Variants in SMTN observed in about 807,000 individuals in gnomAD.
The protein encoded by SMTN is smoothelin.
Under a neutral mutation model 102.0 loss-of-function variants are expected in SMTN, and 58 were observed. The ratio of observed to expected loss-of-function variants is 0.57; its 90% CI spans 0.46 to 0.71. The LOEUF (loss-of-function observed/expected upper bound fraction) is 0.71, where lower values mean the gene tolerates loss of function less well. Ranked by LOEUF, SMTN falls within the 30% of genes least tolerant of loss-of-function variation. SMTN has a pLI of 0.00. For synonymous variants in SMTN, 478 were observed against 497.9 expected, an observed-to-expected ratio of 0.96 and a Z score of 0.53; for missense variants, 1,185 against 1,241.7, an observed-to-expected ratio of 0.95 and a Z score of 0.69.
At chr22:31,075,000 T>C (rs1287580303) in intron 1 of SMTN, among the ~76,000 whole-genome samples, 1 of 152,126 alleles carries the variant, frequency 6.6e-6, no homozygotes, top group Non-Finnish European at 1.5e-5. Flanking sequence ...ACCCCCAATT[T>C]ACAGAGGAGA....
At chr22:31,070,644 C>T (rs2041973794) in intron 1 of SMTN, among the ~76,000 whole-genome samples, 1 of 152,124 alleles carries the variant, frequency 6.6e-6, no homozygotes, top group East Asian at 1.9e-4. Flanking sequence ...TTTAAGCCAG[C>T]CGGGCACGAT....
rs1425882020 is a variant in SMTN, at chr22:31,081,319, C to T, written c.-218C>T. ...GCGCGGCTGGACGGGCAGCTCTCCG[C>T]AGAATCCAGGGGACGGTTGCTGAGC... is the stretch of plus-strand genomic sequence containing the variant. On this transcript the variant is annotated 5_prime_UTR_variant, in exon 1 of 21. Transcript: ENST00000333137. 1 of 152,306 alleles carries T rather than the reference C, an allele frequency of 6.6e-6. No homozygotes were observed. The highest frequency in any genetic ancestry group is 1.5e-5 in the Non-Finnish European group (1 of 68,124). The allele number at this position is 152,306 out of a possible 1,614,324, so 9.4% of individuals were successfully genotyped here. A position where few individuals can be genotyped will look rare whatever the true frequency, so the allele number is the denominator to read the frequency against.
rs2042977809 is a variant in SMTN at position 31,089,805 on chromosome 22, C to A, written c.578C>A (p.Ala193Asp). ...DVTTVTLLLR[A>D]PPGSTSSSPA... is the part of the protein sequence containing the mutation. ...ACCACAGTGACACTCCTGCTGCGAG[C>A]CCCACCTGGGAGCACATCCAGCTCA... is the stretch of plus-strand genomic sequence containing the variant. Residue 193 changes from alanine (A) to aspartate (D), a missense_variant, in exon 7 of 21, where the codon GCC becomes GAC. This residue lies in a region of SMTN where 1,096 missense variants were observed against 1,112.7 expected (regional missense o/e 0.98). Transcript: ENST00000333137. 1.2e-6 allele frequency: 2 copies of A among 1,613,536 alleles called. No homozygotes were observed. The highest frequency in any genetic ancestry group is 2.7e-5 in the African/African-American group (2 of 74,902).
chr22:31,073,023 T>TTTTTTCC (rs1555958657), intron 1 of SMTN, among the ~76,000 whole-genome samples: 4 of 145,664 alleles, frequency 2.7e-5, no homozygotes, highest in Non-Finnish European at 3.0e-5. Flanking sequence ...TTTTTTTTTT[T>TTTTTTCC]TTTTTTTTTG....
At position 31,091,062 on chromosome 22, in the gene SMTN, C is replaced by G; in HGVS notation, c.1039C>G (p.Leu347Val). The G allele has an allele frequency of 1.9e-6, 3 of 1,614,058 alleles. 1 individual carries two copies. In the Middle Eastern group the frequency reaches 4.9e-4, roughly 266 times the overall value. Reference sequence around the variant, plus strand: ...ATCTGATTCTCCTATGGCTGCTAGGCTCCAGGATGGCACACCCCAGGCTGC... The same window carrying G: ...ATCTGATTCTCCTATGGCTGCTAGGGTCCAGGATGGCACACCCCAGGCTGC... ...FTSDSPMAAR[L>V]QDGTPQAALS... Residue 347 changes from leucine (L) to valine (V), a missense_variant, in exon 10 of 21, where the codon CTC becomes GTC. By Grantham distance (32) the Leu-to-Val change is conservative. Coordinates refer to ENST00000333137, the MANE Select transcript of SMTN (RefSeq NM_134269.3).
intron 1 of SMTN, among the ~76,000 whole-genome samples, chr22:31,075,453 G>A (rs1224399194): frequency 6.6e-6 from 1 of 152,146 alleles, no homozygotes; most frequent in Non-Finnish European, 1.5e-5. Flanking sequence ...GTCCGAGGCA[G>A]GTGGATCACC....
rs1416221045 is a variant in SMTN at position 31,091,769 on chromosome 22, G to C, written c.1554G>C (p.Leu518=). The part of the protein sequence containing the change: ...TITRVNSPGT[L]ARLGSVTHVT... Reference sequence around the variant, plus strand: ...CCCGTGTCAACAGCCCTGGGACCCTGGCTCGGCTGGGCAGTGTCACTCATG... The same window carrying C: ...CCCGTGTCAACAGCCCTGGGACCCTCGCTCGGCTGGGCAGTGTCACTCATG... Residue 518 remains leucine (L), a synonymous_variant, in exon 11 of 21, where the codon CTG becomes CTC. Transcript: ENST00000333137. 6.2e-7 allele frequency: 1 copy of C among 1,610,980 alleles called. No individual in the cohort carries two copies. The highest frequency in any genetic ancestry group is 8.5e-7 in the Non-Finnish European group (1 of 1,178,646).
chr22:31,076,797 C>T (rs755551134), upstream of SMTN, among the ~76,000 whole-genome samples: 22 of 152,066 alleles, frequency 1.4e-4, no homozygotes, highest in Non-Finnish European at 2.2e-4. Flanking sequence ...GTGCTATGTT[C>T]AGAAGTAGAG....
chr22:31,064,209 A>G (rs1022190177), intron 1 of SMTN: 2 of 152,222 alleles, frequency 1.3e-5, no homozygotes, highest in African/African-American at 4.8e-5. Flanking sequence ...AGAGAATACC[A>G]TAGATGTCCA....
chr22:31,078,615 C>G (rs1270386961), upstream of SMTN, among the ~76,000 whole-genome samples: 2 of 152,254 alleles, frequency 1.3e-5, no homozygotes, highest in Non-Finnish European at 2.9e-5. Flanking sequence ...CCTGCTCCGC[C>G]CACAGCCTAT....
Position 31,095,201 on chromosome 22 carries a change from G to A in SMTN, c.1633-102G>A. 3 of 1,241,322 alleles carry A rather than the reference G, an allele frequency of 2.4e-6. No homozygotes were observed. The highest frequency in any genetic ancestry group is 3.4e-6 in the Non-Finnish European group (3 of 885,742). The allele number at this position is 1,241,322 out of a possible 1,614,324, so 76.9% of individuals were successfully genotyped here. ...CTGGCAGGCTAGTGGTTATTTCCAAGGCGTGCCAGCAACCCTAGGATCTGC... is the reference window on the plus strand; with the variant it reads ...CTGGCAGGCTAGTGGTTATTTCCAAAGCGTGCCAGCAACCCTAGGATCTGC... On this transcript the variant is annotated intron_variant, in intron 11 of 20. Transcript: ENST00000333137. This position sits in a 1 kb window ranked among gnomAD's most constrained non-coding sequence, Gnocchi z 4.1.
chr22:31,104,344 G>A lies in SMTN; in HGVS notation c.*49G>A, dbSNP rs758896914. ...GCTGGTGGACTGTGTGCCCCTGGTGGAGGTGGACGACATGATGATCATGGG... is the reference window on the plus strand; with the variant it reads ...GCTGGTGGACTGTGTGCCCCTGGTGAAGGTGGACGACATGATGATCATGGG... On this transcript the variant is annotated 3_prime_UTR_variant, in exon 21 of 21. Transcript: ENST00000333137. 2 of 1,614,210 alleles carry A rather than the reference G, an allele frequency of 1.2e-6. No homozygotes were observed. Among genetic ancestry groups the A allele is most frequent in the Non-Finnish European group, 1.7e-6 (2 of 1,180,034 alleles).
upstream of SMTN, chr22:31,081,192 T>C (rs898227262): frequency 1.3e-5 from 2 of 151,336 alleles, no homozygotes; most frequent in African/African-American, 2.4e-5. Context: ...TCTCGGGGCG[T>C]GGCCGTCAAA....
intron 1 of SMTN, among the ~76,000 whole-genome samples, chr22:31,071,187 C>T (rs2041989598): frequency 6.8e-6 from 1 of 147,086 alleles, no homozygotes; most frequent in East Asian, 2.0e-4. Flanking sequence ...CTTCAGTGAG[C>T]CATGATTGCG....
At position 31,081,408 on chromosome 22, in the gene SMTN, C is replaced by G. The variant is rs955176001; in HGVS notation, c.-129C>G. On this transcript the variant is annotated 5_prime_UTR_variant, in exon 1 of 21. Transcript: ENST00000333137. ...CGTGTCTAATCCGTCTGTCGGGTCC[C>G]GAAAGAGCTAAGCCGAGCCTGCGCC... is the stretch of plus-strand genomic sequence containing the variant. 2 of 152,276 alleles carry G rather than the reference C, an allele frequency of 1.3e-5. No homozygotes were observed. Among genetic ancestry groups the G allele is most frequent in the Non-Finnish European group, 2.9e-5 (2 of 68,138 alleles). The allele number at this position is 152,276 out of a possible 1,614,324, so 9.4% of individuals were successfully genotyped here.
In SMTN at chr22:31,088,306, C is replaced by T. The variant is rs561606871; in HGVS notation, c.200+193C>T. On this transcript the variant is annotated intron_variant, in intron 3 of 20. Transcript: ENST00000333137. ...CATGTACTGATTGTGGCGTCGCGGC[C>T]GTGCTGATGTAGCCAGCACGTCTGA... The T allele has an allele frequency of 3.4e-5, 27 of 805,048 alleles. No homozygotes were observed. The Admixed American group carries it at 4.0e-4, about 12-fold the overall frequency. 49.9% of individuals were successfully genotyped at this position (805,048 alleles called of 1,614,324 possible).
chr22:31,076,719 C>T (rs1440697316), upstream of SMTN, among the ~76,000 whole-genome samples: 2 of 152,202 alleles, frequency 1.3e-5, no homozygotes, highest in African/African-American at 4.8e-5. Context: ...CCCTTGTCCT[C>T]TCTGGGACTC....
intron 1 of SMTN, among the ~76,000 whole-genome samples, chr22:31,069,237 C>T (rs1007752983): frequency 4.6e-5 from 7 of 152,002 alleles, no homozygotes; most frequent in African/African-American, 7.3e-5. Flanking sequence ...GTAACTAGGG[C>T]GCTCTCTTCC....
At position 31,094,015 on chromosome 22, in the gene SMTN, A is replaced by AG. The variant is rs1429640551; in HGVS notation, c.1633-1285dup. The AG allele has an allele frequency of 7.5e-6, 5 of 662,560 alleles. No homozygotes were observed. In the East Asian group the frequency reaches 1.4e-4, roughly 18 times the overall value. 41.0% of individuals were successfully genotyped at this position (662,560 alleles called of 1,614,324 possible). ...ACTGGGGCACTAGTGCTCTAAGACTAGGGCAAGAGGGTGCCAGGCTCCAGC... is the reference window on the plus strand; with the variant it reads ...ACTGGGGCACTAGTGCTCTAAGACTAGGGGCAAGAGGGTGCCAGGCTCCAGC... On this transcript the variant is annotated intron_variant, in intron 11 of 20. Transcript: ENST00000333137.
Sources: gnomAD v4.1 joint callset for allele counts (sites outside exome capture counted in the v4.1 genomes callset) on GRCh38, gnomAD v4.1.1 for gene constraint, gnomAD v4.1.1 regional missense constraint, Gnocchi (gnomAD v3.1) non-coding constraint, MANE v1.5 for transcripts, NCBI Gene and HGNC (gene_info 2026-07-23, HGNC 2026-07-21) for gene names.